The following FTO variants were observed in gnomAD, a reference collection of about 807,000 sequenced individuals.
FTO encodes the protein FTO alpha-ketoglutarate dependent dioxygenase.
FTO carries 47 observed loss-of-function variants against 63.9 expected under a neutral mutation model. The ratio of observed to expected loss-of-function variants is 0.74; its 90% CI spans 0.58 to 0.94. The LOEUF (loss-of-function observed/expected upper bound fraction) is 0.94, where lower values mean the gene tolerates loss of function less well. Ranked by LOEUF, FTO falls within the 40% of genes least tolerant of loss-of-function variation. The pLI, the probability that FTO is intolerant of heterozygous loss-of-function variation, is 0.00. For missense variants in FTO, 562 were observed against 618.1 expected, an observed-to-expected ratio of 0.91 and a Z score of 0.96; for synonymous variants, 207 against 224.4, an observed-to-expected ratio of 0.92 and a Z score of 0.69.
intron 7 of FTO, among the ~76,000 whole-genome samples, chr16:53,924,483 G>A (rs1190235430): frequency 6.6e-6 from 1 of 152,106 alleles, no homozygotes; most frequent in Non-Finnish European, 1.5e-5. Flanking sequence ...TGAACCAAGT[G>A]TGTCTTTAAG....
At position 53,775,173 on chromosome 16, in the gene FTO, C is replaced by T. The variant is rs74412662; in HGVS notation, c.46-34967C>T. Among the ~76,000 whole-genome samples, 726 of 152,202 alleles carry T rather than the reference C, an allele frequency of 4.8e-3. 20 individuals are homozygous for T. In the East Asian group the frequency reaches 0.054, roughly 11 times the overall value. ...GAGTGCCACCATATCTACCTCTTCC[C>T]CCAGCATGTTTAAAATAAAATATCT... On this transcript the variant is annotated intron_variant, in intron 1 of 8. Transcript: ENST00000471389.
At chr16:53,853,069 G>C (rs908150306) in intron 4 of FTO, among the ~76,000 whole-genome samples, 1 of 152,194 alleles carries the variant, frequency 6.6e-6, no homozygotes, top group Non-Finnish European at 1.5e-5. Context: ...GAGGCGGGCG[G>C]ATCACCTGAG....
At chr16:53,842,225 G>T (rs953029088) in intron 3 of FTO, among the ~76,000 whole-genome samples, 3 of 152,136 alleles carry the variant, frequency 2.0e-5, no homozygotes, top group Non-Finnish European at 4.4e-5. Flanking sequence ...GTCTAGTACA[G>T]CAGTTTAAAG....
intron 1 of FTO, among the ~76,000 whole-genome samples, chr16:53,804,599 T>C (rs2078308385): frequency 6.6e-6 from 1 of 151,838 alleles, no homozygotes; most frequent in Non-Finnish European, 1.5e-5. Flanking sequence ...GTGAAATATT[T>C]ACACTTTTTT....
intron 7 of FTO, among the ~76,000 whole-genome samples, chr16:53,898,058 T>C (rs2151920802): frequency 6.6e-6 from 1 of 152,258 alleles, no homozygotes; most frequent in African/African-American, 2.4e-5. Flanking sequence ...CCTATGTCCA[T>C]CCCAGTCAGA....
intron 7 of FTO, chr16:53,911,381 T>G (rs759963336): frequency 2.4e-5 from 17 of 702,992 alleles, no homozygotes; most frequent in African/African-American, 8.7e-5. Context: ...GGTGGTAGAA[T>G]GGAGTGGAGG....
At chr16:53,895,111 C>G (rs1365424414) in intron 7 of FTO, among the ~76,000 whole-genome samples, 2 of 152,116 alleles carry the variant, frequency 1.3e-5, no homozygotes, top group African/African-American at 4.8e-5. Context: ...TAATTCCCCA[C>G]CCACTCCAAT....
At chr16:53,717,784 C>T (rs1050313072) in intron 1 of FTO, among the ~76,000 whole-genome samples, 3 of 151,928 alleles carry the variant, frequency 2.0e-5, no homozygotes, top group Non-Finnish European at 4.4e-5. Flanking sequence ...AATCAGATAT[C>T]GCTGCCTGCA....
At chr16:54,061,265 G>A (rs764818784) in intron 8 of FTO, among the ~76,000 whole-genome samples, 30 of 152,132 alleles carry the variant, frequency 2.0e-4, no homozygotes, top group Non-Finnish European at 3.2e-4. Flanking sequence ...CACTGCCCTG[G>A]TTCTGCAGCC....
At chr16:53,813,115 C>A (rs1441156208) in intron 2 of FTO, among the ~76,000 whole-genome samples, 1 of 152,128 alleles carries the variant, frequency 6.6e-6, no homozygotes, top group Non-Finnish European at 1.5e-5. Context: ...CAAATGCAAA[C>A]AGAACAACTA....
At chr16:53,930,797 A>C (rs953922213) in intron 7 of FTO, among the ~76,000 whole-genome samples, 8 of 152,238 alleles carry the variant, frequency 5.3e-5, no homozygotes, top group African/African-American at 1.9e-4. Context: ...CCTTAGAGTG[A>C]ATCCTTTTGT....
chr16:53,791,995 G>C (rs1311964793), intron 1 of FTO, among the ~76,000 whole-genome samples: 1 of 151,440 alleles, frequency 6.6e-6, no homozygotes, highest in South Asian at 2.1e-4. Context: ...AGAATGGCGT[G>C]AACCCTGGAG....
chr16:53,967,993 A>C (rs151335835), intron 8 of FTO, among the ~76,000 whole-genome samples: 3 of 152,320 alleles, frequency 2.0e-5, no homozygotes, highest in Admixed American at 2.0e-4. Context: ...CATTTAATTA[A>C]TTTGTTTTAA....
intron 3 of FTO, among the ~76,000 whole-genome samples, chr16:53,836,932 A>T (rs2079310355): frequency 6.6e-6 from 1 of 152,112 alleles, no homozygotes; most frequent in East Asian, 1.9e-4. Flanking sequence ...ATGAACAAAT[A>T]ATGACCCTCT....
At chr16:53,841,602 T>G (rs1420741755) in intron 3 of FTO, among the ~76,000 whole-genome samples, 2 of 152,234 alleles carry the variant, frequency 1.3e-5, no homozygotes, top group East Asian at 3.8e-4. Context: ...TAGTGCAAAT[T>G]AATGTGAATG....
intron 3 of FTO, among the ~76,000 whole-genome samples, chr16:53,836,303 T>A (rs533012442): frequency 5.3e-5 from 8 of 152,292 alleles, no homozygotes; most frequent in African/African-American, 1.9e-4. Context: ...ATGAAACATA[T>A]CAGCGTCCTA....
At chr16:54,106,444 A>G (rs962373474) in intron 8 of FTO, among the ~76,000 whole-genome samples, 2 of 147,308 alleles carry the variant, frequency 1.4e-5, no homozygotes, top group Non-Finnish European at 3.0e-5. Context: ...GAGAAAAAGT[A>G]TATATATAAT....
intron 8 of FTO, among the ~76,000 whole-genome samples, chr16:54,017,310 T>G (rs1178600992): frequency 6.6e-6 from 1 of 152,204 alleles, no homozygotes; most frequent in Non-Finnish European, 1.5e-5. Flanking sequence ...GGGCAGTCAT[T>G]AACAATGAAG....
chr16:53,704,056 G>T, upstream of FTO: 2 of 1,028,148 alleles, frequency 1.9e-6, no homozygotes, highest in Admixed American at 4.0e-5. Context: ...GGGAGTTGTA[G>T]TTTTTTCTAC....
Sources: gnomAD v4.1 joint callset for allele counts (sites outside exome capture counted in the v4.1 genomes callset) on GRCh38, gnomAD v4.1.1 for gene constraint, MANE v1.5 for transcripts, NCBI Gene and HGNC (gene_info 2026-07-23, HGNC 2026-07-21) for gene names.